EBF1: variants seen among roughly 807,000 people sequenced by gnomAD.
The protein encoded by EBF1 is EBF transcription factor 1.
Under a neutral mutation model 68.4 loss-of-function variants are expected in EBF1, and 10 were observed. The ratio of observed to expected loss-of-function variants is 0.15; its 90% confidence interval spans 0.09 to 0.25. The LOEUF is 0.25. Ranked by LOEUF, EBF1 falls within the 10% of genes least tolerant of loss-of-function variation. The pLI, the probability that EBF1 is intolerant of heterozygous loss-of-function variation, is 1.00. For missense variants in EBF1, 509 were observed against 794.4 expected (o/e 0.64, Z 4.32); for synonymous variants, 298 against 299.8 (o/e 0.99, Z 0.06).
At chr5:159,090,263 A>G (rs867185885) in intron 4 of EBF1, among the ~76,000 whole-genome samples, 1 of 151,930 alleles carries the variant, frequency 6.6e-6, no homozygotes, top group Non-Finnish European at 1.5e-5. Context: ...GAAAGAAAAA[A>G]AAAAAGGTGC....
intron 6 of EBF1, among the ~76,000 whole-genome samples, chr5:159,054,412 A>C (rs1276809603): frequency 6.6e-6 from 1 of 152,188 alleles, no homozygotes. Flanking sequence ...AAAATTTAAA[A>C]AATAGAGAGA....
intron 6 of EBF1, among the ~76,000 whole-genome samples, chr5:158,991,656 A>G (rs1760353534): frequency 6.6e-6 from 1 of 152,236 alleles, no homozygotes; most frequent in Non-Finnish European, 1.5e-5. Flanking sequence ...ATTTATGCAA[A>G]AGCAAAAAAT....
intron 6 of EBF1, among the ~76,000 whole-genome samples, chr5:158,866,753 C>T (rs1443491015): frequency 3.3e-5 from 5 of 149,558 alleles, no homozygotes; most frequent in East Asian, 2.0e-4. Flanking sequence ...TAGGCAGTGA[C>T]GAATGATGGA....
intron 6 of EBF1, among the ~76,000 whole-genome samples, chr5:158,967,567 A>C (rs1754427665): frequency 2.6e-5 from 4 of 152,182 alleles, no homozygotes; most frequent in Non-Finnish European, 5.9e-5. Flanking sequence ...GAGGGCAGAG[A>C]GTTATGTAGT....
intron 6 of EBF1, among the ~76,000 whole-genome samples, chr5:159,004,692 A>C (rs1258131672): frequency 6.6e-6 from 1 of 152,032 alleles, no homozygotes; most frequent in Non-Finnish European, 1.5e-5. Flanking sequence ...CCAAGTAGGG[A>C]ACTGTGCTCT....
chr5:159,075,962 T>C (rs1027765471), intron 5 of EBF1, among the ~76,000 whole-genome samples: 4 of 151,780 alleles, frequency 2.6e-5, no homozygotes, highest in African/African-American at 9.7e-5. Context: ...CCCTCAGAGC[T>C]CAGCCTATAG....
At chr5:159,095,726 G>T in intron 3 of EBF1, 51 bp from the exon 4 acceptor site, 1 of 1,587,474 alleles carries the variant, frequency 6.3e-7, no homozygotes, top group South Asian at 1.1e-5. Context: ...AGGTTACGGA[G>T]GGTGGGTGGA....
chr5:158,746,832 A>G (rs1033908365), intron 10 of EBF1, among the ~76,000 whole-genome samples: 3 of 152,208 alleles, frequency 2.0e-5, no homozygotes, highest in Non-Finnish European at 2.9e-5. Context: ...CTACAGGAGC[A>G]GAGATCGGCT....
intron 9 of EBF1, among the ~76,000 whole-genome samples, chr5:158,785,418 G>A (rs899410654): frequency 6.6e-6 from 1 of 152,154 alleles, no homozygotes; most frequent in African/African-American, 2.4e-5. Flanking sequence ...CCCTGAAGTG[G>A]CTACCACATA....
rs142641067 is a variant in EBF1, at chr5:158,910,608, C to T, written c.555-70498G>A. Among the ~76,000 whole-genome samples, 778 of 152,210 alleles carry T rather than the reference C, an allele frequency of 5.1e-3. 4 individuals are homozygous for T. The highest frequency in any genetic ancestry group is 9.2e-3 in the Non-Finnish European group (625 of 67,996). ...TTATGTAGATGTGATTTTCTTTGCT[C>T]AATAAAAAATTAATTGATGTATGCC... On this transcript the variant is annotated intron_variant, in intron 6 of 15. Transcript: ENST00000313708.
chr5:158,712,915 A>T, intron 13 of EBF1, 55 bp downstream of exon 13: 1 of 1,389,326 alleles, frequency 7.2e-7, no homozygotes, highest in Non-Finnish European at 9.4e-7. Context: ...TGACCAATAA[A>T]TGAGGAGATG....
chr5:158,785,978 G>T (rs1357552655), intron 9 of EBF1, among the ~76,000 whole-genome samples: 2 of 152,056 alleles, frequency 1.3e-5, no homozygotes, highest in African/African-American at 4.8e-5. Flanking sequence ...GTTTAACAAG[G>T]CCCTGGAACT....
chr5:158,869,648 T>C (rs1347217548), intron 6 of EBF1, among the ~76,000 whole-genome samples: 1 of 151,930 alleles, frequency 6.6e-6, no homozygotes, highest in Non-Finnish European at 1.5e-5. Flanking sequence ...TTTGTTTTGA[T>C]CTTTTGGGAC....
intron 6 of EBF1, among the ~76,000 whole-genome samples, chr5:159,015,837 G>C (rs563191798): frequency 1.9e-4 from 29 of 152,294 alleles, no homozygotes; most frequent in African/African-American, 7.0e-4. Context: ...CCTAGACTTA[G>C]CCTGAAAAGC....
intron 7 of EBF1, among the ~76,000 whole-genome samples, chr5:158,828,487 A>G (rs1786717540): frequency 6.6e-6 from 1 of 152,220 alleles, no homozygotes; most frequent in Admixed American, 6.5e-5. Context: ...GTGGTGATGA[A>G]AATTCCCTAT....
At chr5:158,715,179 G>C (rs1328028223) in intron 11 of EBF1, among the ~76,000 whole-genome samples, 1 of 152,234 alleles carries the variant, frequency 6.6e-6, no homozygotes, top group African/African-American at 2.4e-5. Flanking sequence ...AGGATCATCA[G>C]AGGTGATTTG....
Position 158,970,891 on chromosome 5 carries a change from G to T in EBF1, c.554+102505C>A, listed in dbSNP as rs1755520393. 2.0e-5 allele frequency among the ~76,000 whole-genome samples: 3 copies of T among 152,186 alleles called. No homozygotes were observed. In the South Asian group the frequency reaches 6.2e-4, roughly 32 times the overall value. On this transcript the variant is annotated intron_variant, in intron 6 of 15. Coordinates refer to ENST00000313708, the MANE Select transcript of EBF1 (RefSeq NM_024007.5). ...TGCCTTTCAGCTGTAGGGAGGAGGA[G>T]TCATAGCACTGAGACCACAAAAGTA...
chr5:158,818,879 C>A (rs1388576217), intron 8 of EBF1, among the ~76,000 whole-genome samples: 1 of 151,552 alleles, frequency 6.6e-6, no homozygotes, highest in Non-Finnish European at 1.5e-5. Flanking sequence ...ACTAATAGTT[C>A]CATTGTTTTT....
intron 5 of EBF1, 95 bp downstream of exon 5, chr5:159,084,571 C>CAAAA: frequency 2.4e-6 from 2 of 834,942 alleles, no homozygotes; most frequent in Non-Finnish European, 1.6e-6. Flanking sequence ...AAATGTGTAC[C>CAAAA]AAAAAAAAAA....
Sources: gnomAD v4.1 joint callset for allele counts (sites outside exome capture counted in the v4.1 genomes callset) on GRCh38, gnomAD v4.1.1 for gene constraint, MANE v1.5 for transcripts, NCBI Gene and HGNC (gene_info 2026-07-23, HGNC 2026-07-21) for gene names.